The following DENND1A variants were observed in gnomAD, a reference collection of about 807,000 sequenced individuals.
DENND1A encodes DENN domain containing 1A.
A neutral mutation model predicts 113.7 loss-of-function variants in DENND1A; 51 were observed. That is an observed-to-expected ratio of 0.45 (90% CI 0.36 to 0.57). The LOEUF (loss-of-function observed/expected upper bound fraction) is 0.57, where lower values mean the gene tolerates loss of function less well. Among genes scored for constraint, DENND1A ranks in the 20% least tolerant of loss-of-function variants. DENND1A has a pLI of 0.00. For missense variants in DENND1A, 1,258 were observed against 1,395.9 expected, an observed-to-expected ratio of 0.90 and a Z score of 1.57; for synonymous variants, 565 against 570.8, an observed-to-expected ratio of 0.99 and a Z score of 0.14.
intron 2 of DENND1A, among the ~76,000 whole-genome samples, chr9:123,870,764 C>T (rs1846464273): frequency 6.6e-6 from 1 of 151,940 alleles, no homozygotes. Context: ...GGTTCTACGA[C>T]TTTGTGGTTG....
In DENND1A at chr9:123,579,928, G is replaced by A. The variant is rs989118856; in HGVS notation, c.867+3241C>T. On this transcript the variant is annotated intron_variant, in intron 12 of 23. Coordinates refer to ENST00000394215, the MANE Select transcript of DENND1A (RefSeq NM_001352964.2). ...GAGGCCCAAGCTGGAAACCACTGCT[G>A]TAGAACATTCTCAACCCTGTTACAA... Among the ~76,000 whole-genome samples the A allele has an allele frequency of 2.0e-5, 3 of 152,190 alleles. No individual in the cohort carries two copies. In the East Asian group the frequency reaches 5.8e-4, roughly 29 times the overall value.
At chr9:123,711,064 G>A (rs1441137076) in intron 5 of DENND1A, among the ~76,000 whole-genome samples, 3 of 152,068 alleles carry the variant, frequency 2.0e-5, no homozygotes, top group East Asian at 1.9e-4. Flanking sequence ...AAACAAATAC[G>A]CATTATATTG....
chr9:123,719,505 G>C (rs970679405), intron 5 of DENND1A, among the ~76,000 whole-genome samples: 5 of 152,162 alleles, frequency 3.3e-5, no homozygotes, highest in Non-Finnish European at 5.9e-5. Context: ...CATCATCCTT[G>C]CAACGACTGA....
chr9:123,901,217 A>G (rs1400345708), intron 1 of DENND1A, among the ~76,000 whole-genome samples: 1 of 152,216 alleles, frequency 6.6e-6, no homozygotes, highest in African/African-American at 2.4e-5. Context: ...AGTGGTAGAA[A>G]GAGCCCAGTC....
intron 5 of DENND1A, among the ~76,000 whole-genome samples, chr9:123,754,656 A>C (rs943751911): frequency 6.6e-6 from 1 of 152,206 alleles, no homozygotes; most frequent in Non-Finnish European, 1.5e-5. Context: ...GTAGGAATTC[A>C]ATTAAGAACT....
chr9:123,513,427 A>G (rs748179606), intron 13 of DENND1A, among the ~76,000 whole-genome samples: 1 of 152,252 alleles, frequency 6.6e-6, no homozygotes, highest in Non-Finnish European at 1.5e-5. Flanking sequence ...GTGAGATCCT[A>G]CAGAACCGAG....
In DENND1A at chr9:123,735,398, A is replaced by G. The variant is rs932780183; in HGVS notation, c.302+22305T>C. On this transcript the variant is annotated intron_variant, in intron 5 of 23. Coordinates refer to ENST00000394215, the MANE Select transcript of DENND1A (RefSeq NM_001352964.2). ...TTGCAAGATGTTAGGTAAGAAGATC[A>G]TAAGTGGGCAAGAGCTGGTAAGCAA... Among the ~76,000 whole-genome samples, 9 of 152,334 alleles carry G rather than the reference A, an allele frequency of 5.9e-5. No individual in the cohort carries two copies. In the South Asian group the frequency reaches 1.2e-3, roughly 21 times the overall value.
At chr9:123,861,735 G>C (rs1403445991) in intron 2 of DENND1A, among the ~76,000 whole-genome samples, 2 of 152,252 alleles carry the variant, frequency 1.3e-5, no homozygotes, top group African/African-American at 4.8e-5. Context: ...AAGATGTCAA[G>C]CTCCTTTAAA....
chr9:123,518,806 T>C (rs976866330), intron 13 of DENND1A, among the ~76,000 whole-genome samples: 1 of 152,194 alleles, frequency 6.6e-6, no homozygotes, highest in Non-Finnish European at 1.5e-5. Flanking sequence ...TTGTTCTCTG[T>C]GCTTTCATAA....
intron 7 of DENND1A, 38 bp downstream of exon 7, chr9:123,671,253 T>C (rs760139493): frequency 5.6e-6 from 9 of 1,609,526 alleles, no homozygotes; most frequent in Non-Finnish European, 7.6e-6. Context: ...AATAATGAAA[T>C]GCGTTTTCAG....
At chr9:123,452,569 G>T (rs575241492) in intron 16 of DENND1A, among the ~76,000 whole-genome samples, 1 of 151,996 alleles carries the variant, frequency 6.6e-6, no homozygotes, top group African/African-American at 2.4e-5. Context: ...CTGGGGATGA[G>T]GAGTGTGAAT....
intron 21 of DENND1A, among the ~76,000 whole-genome samples, chr9:123,397,960 GGA>G (rs1236409788): frequency 3.3e-5 from 5 of 152,212 alleles, no homozygotes; most frequent in Admixed American, 1.3e-4. Context: ...TCGTGTGACT[GGA>G]GAGTGTTCAG....
intron 12 of DENND1A, among the ~76,000 whole-genome samples, chr9:123,561,450 T>C (rs569354193): frequency 2.6e-5 from 4 of 152,336 alleles, no homozygotes; most frequent in African/African-American, 4.8e-5. Flanking sequence ...AGCTTTTGTC[T>C]TGACCTGCCA....
chr9:123,513,760 A>C (rs1418742642), intron 13 of DENND1A, among the ~76,000 whole-genome samples: 1 of 152,206 alleles, frequency 6.6e-6, no homozygotes, highest in African/African-American at 2.4e-5. Flanking sequence ...TGGGCTGGTC[A>C]ATCCAGATGG....
At chr9:123,912,925 G>A (rs1854296504) in intron 1 of DENND1A, among the ~76,000 whole-genome samples, 1 of 151,990 alleles carries the variant, frequency 6.6e-6, no homozygotes, top group Non-Finnish European at 1.5e-5. Flanking sequence ...CAGCCATGGA[G>A]GTTTCCATGG....
intron 12 of DENND1A, chr9:123,569,504 G>A (rs960384006): frequency 5.3e-5 from 8 of 152,218 alleles, no homozygotes; most frequent in African/African-American, 1.9e-4. Flanking sequence ...CATCTTTAAT[G>A]AAGTCCCATA....
intron 19 of DENND1A, among the ~76,000 whole-genome samples, chr9:123,434,349 G>A (rs2046362804): frequency 6.6e-6 from 1 of 152,146 alleles, no homozygotes; most frequent in African/African-American, 2.4e-5. Context: ...CCTTCTTTAT[G>A]GAAAGTGAAT....
chr9:123,445,288 T>C (rs7861520), intron 18 of DENND1A, among the ~76,000 whole-genome samples: 18,639 of 152,068 alleles, frequency 0.12, 1,280 homozygotes, highest in Middle Eastern at 0.16. Flanking sequence ...GACCCAGTGA[T>C]GAAAGAGTAG....
At chr9:123,648,356 T>C (rs2062454704) in intron 9 of DENND1A, among the ~76,000 whole-genome samples, 1 of 152,208 alleles carries the variant, frequency 6.6e-6, no homozygotes, top group South Asian at 2.1e-4. Flanking sequence ...GGATTATAGG[T>C]GTAAGTCATT....
Sources: allele counts gnomAD v4.1 joint callset (sites outside exome capture counted in the v4.1 genomes callset), GRCh38; gene constraint gnomAD v4.1.1; transcripts MANE v1.5; gene names NCBI Gene and HGNC (gene_info 2026-07-23, HGNC 2026-07-21).